Variants in TMEM223 observed in about 807,000 individuals in gnomAD.
The protein encoded by TMEM223 is transmembrane protein 223.
Under a neutral mutation model 14.1 loss-of-function variants are expected in TMEM223, and 14 were observed. The ratio of observed to expected loss-of-function variants is 0.99; its 90% CI spans 0.66 to 1.55. TMEM223 has a LOEUF of 1.55. Ranked by LOEUF, TMEM223 falls within the 40% of genes most tolerant of loss-of-function variation. TMEM223 has a pLI of 0.00. For synonymous variants in TMEM223, 145 were observed against 120.5 expected, an observed-to-expected ratio of 1.20 and a Z score of -1.33; for missense variants, 346 against 269.9, an observed-to-expected ratio of 1.28 and a Z score of -1.97.
At chr11:62,787,288 C>T (rs776962574), downstream of TMEM223, 16 of 1,543,408 alleles carry the variant, frequency 1.0e-5, no homozygotes, top group Non-Finnish European at 1.4e-5. Flanking sequence ...GCTGTACTTG[C>T]CGCTCTGAGT....
At position 62,776,078 on chromosome 11, in the gene TMEM223, A is replaced by G. The variant is rs2084186275; in HGVS notation, c.315-1413T>C. 6.9e-6 allele frequency: 8 copies of G among 1,152,336 alleles called. No individual in the cohort carries two copies. The East Asian group carries it at 2.1e-4, about 30-fold the overall frequency. 71.4% of individuals were successfully genotyped at this position (1,152,336 alleles called of 1,614,324 possible). A position where few individuals can be genotyped will look rare whatever the true frequency, so the allele number is the denominator to read the frequency against. On this transcript the variant is annotated intron_variant, in intron 1 of 2. Coordinates refer to the TMEM223 transcript ENST00000528367. ...CATGCCTTTACAGAACTCTACTTGTAGCTGTCTGGGCTTCCAGCAGACAAA... is the reference window on the plus strand; with the variant it reads ...CATGCCTTTACAGAACTCTACTTGTGGCTGTCTGGGCTTCCAGCAGACAAA...
Position 62,779,014 on chromosome 11 carries a change from G to A in TMEM223, c.315-4349C>T, listed in dbSNP as rs879065256. 5.6e-6 allele frequency: 7 copies of A among 1,246,996 alleles called. 1 individual carries two copies. The South Asian group carries it at 8.9e-5, about 16-fold the overall frequency. The allele number at this position is 1,246,996 out of a possible 1,614,324, so 77.2% of individuals were successfully genotyped here. On this transcript the variant is annotated intron_variant, in intron 1 of 2. Transcript: ENST00000528367. Reference sequence around the variant, plus strand: ...CACAAAGTTGAAATTGTAAATTCTAGACCTGTTTTTTTTTTTTTTTTTTGA... The same window carrying A: ...CACAAAGTTGAAATTGTAAATTCTAAACCTGTTTTTTTTTTTTTTTTTTGA...
intron 1 of TMEM223, among the ~76,000 whole-genome samples, chr11:62,779,976 A>ATATATATATTT (rs1294367864): frequency 5.7e-5 from 3 of 52,632 alleles, no homozygotes; most frequent in African/African-American, 2.3e-4. Flanking sequence ...ATATATATAT[A>ATATATATATTT]TTTTTTTTTT....
intron 1 of TMEM223, chr11:62,778,033 G>T (rs778397934): frequency 6.2e-7 from 1 of 1,614,188 alleles, no homozygotes; most frequent in Non-Finnish European, 8.5e-7. Flanking sequence ...GCCAGGGAGG[G>T]TGAACTCTAC....
At chr11:62,782,311 C>T (rs2084236161) in intron 1 of TMEM223, 5 of 1,613,836 alleles carry the variant, frequency 3.1e-6, no homozygotes, top group Non-Finnish European at 4.2e-6. Context: ...TGGGGCTGCC[C>T]TCCTGCTCAG....
chr11:62,772,766 C>G (rs1565185577), intron 2 of TMEM223, among the ~76,000 whole-genome samples: 2 of 150,636 alleles, frequency 1.3e-5, no homozygotes, highest in Non-Finnish European at 3.0e-5. Context: ...CCACTGCACT[C>G]CAGCCTGGGT....
At position 62,790,665 on chromosome 11, in the gene TMEM223, T is replaced by C. The variant is rs2084350088; in HGVS notation, c.567A>G (p.Thr189=). 3.1e-6 allele frequency: 5 copies of C among 1,612,430 alleles called. No homozygotes were observed. In the East Asian group the frequency reaches 1.1e-4, roughly 36 times the overall value. Reference sequence around the variant, plus strand: ...CACCCACAGTATTGTCAAAGAGTTTTGTGTTAGGGAAGTGTCCAGTTTTGT... The same window carrying C: ...CACCCACAGTATTGTCAAAGAGTTTCGTGTTAGGGAAGTGTCCAGTTTTGT... The part of the protein sequence containing the change: ...LLDKTGHFPN[T]KLFDNTVGAY... Residue 189 remains threonine (T), a synonymous_variant, in exon 2 of 2, where the codon ACA becomes ACG. Transcript: ENST00000307366.
At chr11:62,776,826 G>C (rs1187868009) in intron 1 of TMEM223, among the ~76,000 whole-genome samples, 2 of 144,664 alleles carry the variant, frequency 1.4e-5, no homozygotes, top group African/African-American at 2.6e-5. Flanking sequence ...CTGGGCAACA[G>C]AGCAAGACCC....
chr11:62,789,959 C>T (rs2084338935), downstream of TMEM223: 1 of 1,613,970 alleles, frequency 6.2e-7, no homozygotes. Flanking sequence ...AAGTCTGAAG[C>T]CACCCCATAC....
At chr11:62,780,240 C>T (rs1000009827) in intron 1 of TMEM223, among the ~76,000 whole-genome samples, 11 of 151,480 alleles carry the variant, frequency 7.3e-5, no homozygotes, top group African/African-American at 2.2e-4. Flanking sequence ...ATTGCTTGAA[C>T]CCAGGAGGCA....
At chr11:62,788,492 CAGG>C (rs2084317064), downstream of TMEM223, among the ~76,000 whole-genome samples, 1 of 152,138 alleles carries the variant, frequency 6.6e-6, no homozygotes, top group South Asian at 2.1e-4. Flanking sequence ...ATCACGAGGT[CAGG>C]AGATCAAGAC....
At chr11:62,782,626 TTGTCTTGTGCCC>T, downstream of TMEM223, 5 of 1,585,428 alleles carry the variant, frequency 3.2e-6, no homozygotes, top group Non-Finnish European at 4.3e-6. Flanking sequence ...TCTCTTTGTG[TTGTCTTGTGCCC>T]TGTTGGGTGG....
chr11:62,781,814 C>T, intron 1 of TMEM223: 3 of 1,163,962 alleles, frequency 2.6e-6, no homozygotes, highest in Middle Eastern at 2.0e-4. Context: ...TAAGGTGATA[C>T]ACTGTCTTCC....
downstream of TMEM223, chr11:62,787,295 G>A (rs375132340): frequency 5.1e-5 from 79 of 1,538,844 alleles, no homozygotes; most frequent in Non-Finnish European, 6.7e-5. Context: ...TTGCCGCTCT[G>A]AGTCAGTGGC....
intron 1 of TMEM223, chr11:62,782,175 A>G (rs2084234934): frequency 6.2e-7 from 1 of 1,613,946 alleles, no homozygotes; most frequent in South Asian, 1.1e-5. Context: ...CACGGAGCCT[A>G]TTTCGTAATC....
intron 1 of TMEM223, among the ~76,000 whole-genome samples, chr11:62,779,972 A>ATTTT (rs1367245372): frequency 8.1e-5 from 5 of 61,478 alleles, no homozygotes; most frequent in South Asian, 1.1e-3. Flanking sequence ...ATATATATAT[A>ATTTT]TATATTTTTT....
downstream of TMEM223, among the ~76,000 whole-genome samples, chr11:62,783,987 G>A (rs1357534617): frequency 2.3e-4 from 1 of 4,396 alleles, no homozygotes. Context: ...CCAAGATGGC[G>A]CCACTACACT....
downstream of TMEM223, chr11:62,786,956 C>T (rs750737640): frequency 6.9e-6 from 10 of 1,447,842 alleles, no homozygotes; most frequent in South Asian, 6.9e-5. Context: ...GGAGGCGGCC[C>T]CGCGTCGGCC....
chr11:62,791,921 A>T lies in TMEM223; in HGVS notation c.74T>A (p.Leu25Gln). The T allele has an allele frequency of 6.3e-7, 1 of 1,598,282 alleles. No homozygotes were observed. The highest frequency in any genetic ancestry group is 8.5e-7 in the Non-Finnish European group (1 of 1,173,082). The change falls in exon 1 of 2, where the codon CTG becomes CAG. Residue 25 changes from leucine (L) to glutamine (Q), a missense_variant. Transcript: ENST00000307366. ...ATCCCGTTGCAGCGTCGTGCCTTGC[A>T]GGGGCCGGCAGGTGAGCAGGGGCCG... is the stretch of plus-strand genomic sequence containing the variant. ...VLRPLLTCRP[L>Q]QGTTLQRDVL...
Sources: gnomAD v4.1 joint callset for allele counts (sites outside exome capture counted in the v4.1 genomes callset) on GRCh38, gnomAD v4.1.1 for gene constraint, MANE v1.5 for transcripts, NCBI Gene and HGNC (gene_info 2026-07-23, HGNC 2026-07-21) for gene names.